TRPM3: variants seen among roughly 807,000 people sequenced by gnomAD.
TRPM3 encodes transient receptor potential cation channel subfamily M member 3, also known as long transient receptor potential channel 3.
TRPM3 carries 77 observed loss-of-function variants against 181.2 expected under a neutral mutation model. That is an observed-to-expected ratio of 0.42 (90% CI 0.35 to 0.51). The LOEUF (loss-of-function observed/expected upper bound fraction) is 0.51. TRPM3 is among the 20% of genes least tolerant of loss of function. The pLI is 0.01. For synonymous variants in TRPM3, 745 were observed against 796.4 expected (o/e 0.94, Z 1.09); for missense variants, 1,759 against 2,196.7 (o/e 0.80, Z 3.98).
At chr9:71,428,307 G>A (rs1034152912) in intron 1 of TRPM3, among the ~76,000 whole-genome samples, 10 of 149,776 alleles carry the variant, frequency 6.7e-5, no homozygotes, top group African/African-American at 2.5e-4. Flanking sequence ...AGTTGGCCAG[G>A]CTGGTCTCAA....
At chr9:71,384,157 AGTT>A (rs1215483616) in intron 1 of TRPM3, among the ~76,000 whole-genome samples, 1 of 152,166 alleles carries the variant, frequency 6.6e-6, no homozygotes, top group Non-Finnish European at 1.5e-5. Flanking sequence ...AAATAACTCT[AGTT>A]GTTTTCATAT....
At chr9:70,791,237 A>AT (rs1024415137) in intron 6 of TRPM3, among the ~76,000 whole-genome samples, 32 of 152,154 alleles carry the variant, frequency 2.1e-4, no homozygotes, top group African/African-American at 7.5e-4. Flanking sequence ...TACGCTATAC[A>AT]TTTTTTTGCC....
intron 8 of TRPM3, among the ~76,000 whole-genome samples, chr9:70,696,292 A>C (rs2070408748): frequency 6.6e-6 from 1 of 152,176 alleles, no homozygotes; most frequent in South Asian, 2.1e-4. Context: ...TCACGGAAGG[A>C]GTATTAGTTG....
chr9:70,881,448 T>G (rs1244457844), intron 1 of TRPM3, among the ~76,000 whole-genome samples: 2 of 152,276 alleles, frequency 1.3e-5, no homozygotes, highest in Admixed American at 1.3e-4. Flanking sequence ...GATTACACAG[T>G]GCATTCTGGG....
chr9:71,281,766 G>A (rs2084724988), intron 1 of TRPM3, among the ~76,000 whole-genome samples: 1 of 152,182 alleles, frequency 6.6e-6, no homozygotes, highest in Non-Finnish European at 1.5e-5. Flanking sequence ...AGGTACTGTA[G>A]ATATGAAAAT....
chr9:70,620,445 C>A, intron 15 of TRPM3, 80 bp from the exon 16 acceptor site: 1 of 1,455,194 alleles, frequency 6.9e-7, no homozygotes, highest in East Asian at 2.3e-5. Flanking sequence ...TATATCTTCT[C>A]CCAGCTAGCT....
intron 1 of TRPM3, among the ~76,000 whole-genome samples, chr9:70,986,935 C>T (rs1294886453): frequency 2.0e-5 from 3 of 151,272 alleles, no homozygotes; most frequent in Non-Finnish European, 4.4e-5. Context: ...CATATCTGTG[C>T]TGTATCTGTC....
intron 1 of TRPM3, among the ~76,000 whole-genome samples, chr9:71,405,208 A>T (rs1376811213): frequency 1.3e-5 from 2 of 152,238 alleles, no homozygotes; most frequent in Non-Finnish European, 2.9e-5. Context: ...AGTGTAACAT[A>T]TAAAAACAAC....
chr9:70,562,821 C>T (rs959784498), intron 22 of TRPM3, among the ~76,000 whole-genome samples: 2 of 152,166 alleles, frequency 1.3e-5, no homozygotes, highest in African/African-American at 4.8e-5. Flanking sequence ...ATATTTTATG[C>T]AAATCTTGCC....
intron 1 of TRPM3, among the ~76,000 whole-genome samples, chr9:70,965,192 T>C (rs1473077199): frequency 1.3e-5 from 2 of 152,022 alleles, no homozygotes; most frequent in African/African-American, 4.8e-5. Context: ...AATAGTTCCA[T>C]TGGTGCATCA....
chr9:71,170,850 CAATTGTTCAGGGA>C (rs1331857273), intron 1 of TRPM3, among the ~76,000 whole-genome samples: 4 of 152,150 alleles, frequency 2.6e-5, no homozygotes, highest in African/African-American at 9.7e-5. Context: ...AGGATAACAG[CAATTGTTCAGGGA>C]ATAAGAGAGA....
chr9:70,686,823 T>C (rs2067059902), intron 8 of TRPM3, among the ~76,000 whole-genome samples: 1 of 86,410 alleles, frequency 1.2e-5, no homozygotes, highest in African/African-American at 4.7e-5. Context: ...TCTTTTCTTT[T>C]TCTTTTTTTT....
rs371871730 is a variant in TRPM3 at position 70,612,270 on chromosome 9, GT to G, written c.2527-1522del. 2.3e-4 allele frequency among the ~76,000 whole-genome samples: 35 copies of G among 152,302 alleles called. No homozygotes were observed. In the East Asian group the frequency reaches 4.2e-3, roughly 18 times the overall value. On this transcript the variant is annotated intron_variant, in intron 18 of 25. Transcript: ENST00000677713. Reference sequence around the variant, plus strand: ...TCAGTACTGTTCTAACACAAAGCTAGTTTCACAAAGTTTGGAGATTTTTATT... The same window carrying G: ...TCAGTACTGTTCTAACACAAAGCTAGTTCACAAAGTTTGGAGATTTTTATT...
chr9:71,169,107 A>G (rs2076709282), intron 1 of TRPM3, among the ~76,000 whole-genome samples: 1 of 152,226 alleles, frequency 6.6e-6, no homozygotes, highest in African/African-American at 2.4e-5. Context: ...ACCTGTATAA[A>G]TAAAGTCATC....
chr9:70,741,051 G>A (rs1001213118), intron 8 of TRPM3, among the ~76,000 whole-genome samples: 1 of 152,090 alleles, frequency 6.6e-6, no homozygotes, highest in African/African-American at 2.4e-5. Flanking sequence ...AATCTTTGCA[G>A]TTTATACATC....
intron 6 of TRPM3, among the ~76,000 whole-genome samples, chr9:70,807,429 A>G (rs1431404261): frequency 2.6e-5 from 4 of 152,068 alleles, no homozygotes; most frequent in Non-Finnish European, 5.9e-5. Context: ...ACATGTTGCT[A>G]TTTATTTATC....
intron 6 of TRPM3, among the ~76,000 whole-genome samples, chr9:70,799,303 C>T (rs2088194770): frequency 6.6e-6 from 1 of 152,110 alleles, no homozygotes; most frequent in South Asian, 2.1e-4. Context: ...TAACCATTAT[C>T]ATAGATGAGA....
chr9:70,636,015 T>C (rs1469650502), intron 11 of TRPM3, among the ~76,000 whole-genome samples: 2 of 152,170 alleles, frequency 1.3e-5, no homozygotes, highest in Non-Finnish European at 2.9e-5. Flanking sequence ...TTACCCATCA[T>C]GAATGAGAAA....
intron 1 of TRPM3, among the ~76,000 whole-genome samples, chr9:71,064,138 C>T (rs1259978529): frequency 1.3e-5 from 2 of 152,110 alleles, no homozygotes; most frequent in South Asian, 2.1e-4. Context: ...AACCTTCATC[C>T]TAATTGTCAT....
Sources: allele counts gnomAD v4.1 joint callset (sites outside exome capture counted in the v4.1 genomes callset), GRCh38; gene constraint gnomAD v4.1.1; transcripts MANE v1.5; gene names NCBI Gene and HGNC (gene_info 2026-07-23, HGNC 2026-07-21).